Variants in MBNL2 observed in about 807,000 individuals in gnomAD.
MBNL2 encodes the protein muscleblind like splicing regulator 2.
Under a neutral mutation model 41.9 loss-of-function variants are expected in MBNL2, and 17 were observed. The ratio of observed to expected loss-of-function variants is 0.41; its 90% CI spans 0.28 to 0.61. The LOEUF (loss-of-function observed/expected upper bound fraction) is 0.61. Ranked by LOEUF, MBNL2 falls within the 20% of genes least tolerant of loss-of-function variation. MBNL2 has a pLI of 0.35. For missense variants in MBNL2, 336 were observed against 505.6 expected (o/e 0.66, Z 3.22); for synonymous variants, 195 against 182.9 (o/e 1.07, Z -0.53).
intron 2 of MBNL2, among the ~76,000 whole-genome samples, chr13:97,320,039 G>A (rs1186273905): frequency 6.6e-6 from 1 of 152,128 alleles, no homozygotes; most frequent in Non-Finnish European, 1.5e-5. Flanking sequence ...TGTTGGAGGA[G>A]ACTGTAGTAT....
At chr13:97,154,970 T>TA in the MBNL2 span, among the ~76,000 whole-genome samples, 1 of 152,064 alleles carries the variant, frequency 6.6e-6, no homozygotes, top group African/African-American at 2.4e-5. Flanking sequence ...CTTTTTTGAT[T>TA]AAAAAACCTT....
chr13:97,276,622 A>G (rs2052193216), intron 2 of MBNL2, among the ~76,000 whole-genome samples: 1 of 152,154 alleles, frequency 6.6e-6, no homozygotes, highest in Non-Finnish European at 1.5e-5. Flanking sequence ...ATACATGATG[A>G]TGTATTTCTG....
At chr13:97,329,502 C>T (rs1172366626) in intron 2 of MBNL2, among the ~76,000 whole-genome samples, 1 of 151,840 alleles carries the variant, frequency 6.6e-6, no homozygotes, top group Non-Finnish European at 1.5e-5. Flanking sequence ...ACTCCTCATG[C>T]TCCTCCCCAC....
chr13:97,365,041 T>C (rs111621030), intron 7 of MBNL2, 95 bp from the exon 8 acceptor site: 1 of 827,328 alleles, frequency 1.2e-6, no homozygotes. Context: ...TTATTTCTGG[T>C]TGTGCTTCAA....
At chr13:97,347,413 G>A (rs9300405) in intron 5 of MBNL2, among the ~76,000 whole-genome samples, 7,905 of 152,160 alleles carry the variant, frequency 0.052, 731 homozygotes, top group African/African-American at 0.18. Flanking sequence ...GCACCGCTTC[G>A]GAGAGGGGAA....
intron 5 of MBNL2, among the ~76,000 whole-genome samples, chr13:97,353,694 A>C (rs753107278): frequency 6.6e-6 from 1 of 152,230 alleles, no homozygotes; most frequent in Non-Finnish European, 1.5e-5. Context: ...AGAATAAGAC[A>C]GACAGAACTT....
At chr13:97,250,266 C>T (rs1246202527) in intron 1 of MBNL2, among the ~76,000 whole-genome samples, 2 of 152,182 alleles carry the variant, frequency 1.3e-5, no homozygotes, top group East Asian at 3.8e-4. Flanking sequence ...TTCTCCAGCT[C>T]ATTGGTTCTA....
rs145335637 is a variant in MBNL2 at position 97,306,387 on chromosome 13, G to A, written c.175-27889G>A. On this transcript the variant is annotated intron_variant, in intron 2 of 8. Transcript: ENST00000679496. ...CCTCTCAGCAGTATTTGACACGGTTGAGCACTCTCACTTTTTCTCACTTTC... is the reference window on the plus strand; with the variant it reads ...CCTCTCAGCAGTATTTGACACGGTTAAGCACTCTCACTTTTTCTCACTTTC... Among the ~76,000 whole-genome samples, 496 of 152,322 alleles carry A rather than the reference G, an allele frequency of 3.3e-3. 4 individuals carry two copies. The highest frequency in any genetic ancestry group is 0.011 in the African/African-American group (467 of 41,564).
intron 1 of MBNL2, among the ~76,000 whole-genome samples, chr13:97,245,344 G>A (rs2045244221): frequency 1.3e-5 from 2 of 152,158 alleles, no homozygotes; most frequent in African/African-American, 4.8e-5. Flanking sequence ...TACCTGCCAT[G>A]GACAGGATAG....
At chr13:97,245,500 A>G (rs1300107128) in intron 1 of MBNL2, among the ~76,000 whole-genome samples, 1 of 152,192 alleles carries the variant, frequency 6.6e-6, no homozygotes, top group Non-Finnish European at 1.5e-5. Flanking sequence ...TGCTGGTAAC[A>G]ATGTTTCTAG....
intron 1 of MBNL2, among the ~76,000 whole-genome samples, chr13:97,272,559 G>A (rs972929658): frequency 6.6e-6 from 1 of 152,084 alleles, no homozygotes; most frequent in Non-Finnish European, 1.5e-5. Flanking sequence ...TTTTCTTCTA[G>A]GGTTTTTTAT....
At chr13:97,374,896 G>T (rs2064817917) in intron 8 of MBNL2, among the ~76,000 whole-genome samples, 1 of 152,172 alleles carries the variant, frequency 6.6e-6, no homozygotes, top group Admixed American at 6.5e-5. Flanking sequence ...AGAGAGACTA[G>T]CTACAGTGAA....
At chr13:97,253,297 G>A (rs1031980151) in intron 1 of MBNL2, among the ~76,000 whole-genome samples, 1 of 152,152 alleles carries the variant, frequency 6.6e-6, no homozygotes, top group South Asian at 2.1e-4. Flanking sequence ...CTCTGTGCTT[G>A]AAGCAAAGAA....
intron 2 of MBNL2, among the ~76,000 whole-genome samples, chr13:97,297,338 G>A (rs1422509516): frequency 6.6e-6 from 1 of 152,180 alleles, no homozygotes; most frequent in African/African-American, 2.4e-5. Flanking sequence ...CTGCCGTACA[G>A]TATGATAAGT....
chr13:97,171,677 C>G, the MBNL2 span, among the ~76,000 whole-genome samples: 1 of 152,130 alleles, frequency 6.6e-6, no homozygotes, highest in Admixed American at 6.5e-5. Flanking sequence ...CTGCAGTCAG[C>G]AAGTCAAACA....
chr13:97,336,683 C>G (rs1055167616), intron 3 of MBNL2, among the ~76,000 whole-genome samples: 5 of 152,128 alleles, frequency 3.3e-5, no homozygotes, highest in African/African-American at 1.2e-4. Context: ...CTACCAACAC[C>G]TTGATTTTGG....
At chr13:97,313,526 A>C (rs949741) in intron 2 of MBNL2, among the ~76,000 whole-genome samples, 60,005 of 152,146 alleles carry the variant, frequency 0.39, 13,624 homozygotes, top group East Asian at 0.55. Context: ...TGGGGTTGGC[A>C]GAAGTTTGAC....
rs542975154 is a variant in MBNL2 at position 97,334,560 on chromosome 13, G to C, written c.339+120G>C. 2 of 598,728 alleles carry C rather than the reference G, an allele frequency of 3.3e-6. No individual in the cohort carries two copies. The highest frequency in any genetic ancestry group is 3.5e-5 in the South Asian group (1 of 28,196). 37.1% of individuals were successfully genotyped at this position (598,728 alleles called of 1,614,324 possible). A position where few individuals can be genotyped will look rare whatever the true frequency, so the allele number is the denominator to read the frequency against. On this transcript the variant is annotated intron_variant, in intron 3 of 8. Coordinates refer to ENST00000679496, the MANE Select transcript of MBNL2 (RefSeq NM_001382683.1). This position sits in a 1 kb window ranked among gnomAD's most constrained non-coding sequence, Gnocchi z 5.3. Reference sequence around the variant, plus strand: ...ACTTTGGTTACAATTAAAGCAAATAGCTTTAAAGCTCAATAGATGAAGGAA... The same window carrying C: ...ACTTTGGTTACAATTAAAGCAAATACCTTTAAAGCTCAATAGATGAAGGAA...
chr13:97,166,998 A>G, the MBNL2 span, among the ~76,000 whole-genome samples: 1 of 152,166 alleles, frequency 6.6e-6, no homozygotes, highest in African/African-American at 2.4e-5. Context: ...TCTTGTTCTA[A>G]TCTGATTCTC....
Sources: allele counts gnomAD v4.1 joint callset (sites outside exome capture counted in the v4.1 genomes callset), GRCh38; gene constraint gnomAD v4.1.1; non-coding constraint Gnocchi (gnomAD v3.1); transcripts MANE v1.5; gene names NCBI Gene and HGNC (gene_info 2026-07-23, HGNC 2026-07-21).